The following CENPK variants were observed in gnomAD, a reference collection of about 807,000 sequenced individuals.
CENPK encodes the protein SoxLZ/Sox6-binding protein Solt.
Under a neutral mutation model 40.9 loss-of-function variants are expected in CENPK, and 46 were observed. The observed-to-expected ratio is 1.13, with a 90% CI of 0.89 to 1.44. The LOEUF (loss-of-function observed/expected upper bound fraction) is 1.44, where lower values mean the gene tolerates loss of function less well. Ranked by LOEUF, CENPK falls within the 40% of genes most tolerant of loss-of-function variation. CENPK has a pLI of 0.00. For synonymous variants in CENPK, 107 were observed against 104.4 expected (o/e 1.02, Z -0.15); for missense variants, 288 against 303.5 (o/e 0.95, Z 0.38).
intron 2 of CENPK, among the ~76,000 whole-genome samples, chr5:65,559,336 T>A (rs1207966569): frequency 2.0e-5 from 3 of 152,046 alleles, no homozygotes; most frequent in Admixed American, 6.6e-5. Context: ...AATTGTAAAA[T>A]TTACATGGAA....
At chr5:65,528,888 A>G (rs1580928289) in intron 8 of CENPK, 31 bp downstream of exon 8, 7 of 1,301,026 alleles carry the variant, frequency 5.4e-6, no homozygotes, top group Non-Finnish European at 6.5e-6. Flanking sequence ...TACTTTTCCT[A>G]TTTTAAAAAC....
At position 65,518,583 on chromosome 5, in the gene CENPK, A is replaced by C. The variant is rs756782808; in HGVS notation, c.702T>G (p.Ile234Met). The C allele has an allele frequency of 2.5e-6, 4 of 1,604,424 alleles. No individual in the cohort carries two copies. The highest frequency in any genetic ancestry group is 1.1e-5 in the South Asian group (1 of 90,664). The change falls in exon 11 of 11, where the codon ATT becomes ATG. Residue 234 changes from isoleucine (I) to methionine (M), a missense_variant. Transcript: ENST00000396679. ...CATAAGGTGGCCAAAAGGAATCACTAATTTTGACATATGGATCATGTGGAA... is the reference window on the plus strand; with the variant it reads ...CATAAGGTGGCCAAAAGGAATCACTCATTTTGACATATGGATCATGTGGAA... Reference protein sequence around the residue: ...FDVPHDPYVKISDSFWPPYVE... With the variant: ...FDVPHDPYVKMSDSFWPPYVE...
chr5:65,542,725 C>A lies in CENPK; in HGVS notation c.288+77G>T, dbSNP rs1581020725. The A allele has an allele frequency of 4.0e-5, 42 of 1,052,580 alleles. No individual in the cohort carries two copies. The East Asian group carries it at 1.0e-3, about 26-fold the overall frequency. 65.2% of individuals were successfully genotyped at this position (1,052,580 alleles called of 1,614,324 possible). On this transcript the variant is annotated intron_variant, in intron 6 of 10. Coordinates refer to ENST00000396679, the MANE Select transcript of CENPK (RefSeq NM_022145.5). ...GTTTTAGAGTGGTTTTATCCTATTTCTTATGCCATGAACTTATCTAAAATA... is the reference window on the plus strand; with the variant it reads ...GTTTTAGAGTGGTTTTATCCTATTTATTATGCCATGAACTTATCTAAAATA...
intron 2 of CENPK, among the ~76,000 whole-genome samples, chr5:65,557,788 A>G (rs1751242213): frequency 6.6e-6 from 1 of 152,248 alleles, no homozygotes. Flanking sequence ...TTATCACAAC[A>G]ATTTTCTTGG....
intron 10 of CENPK, among the ~76,000 whole-genome samples, chr5:65,520,819 A>C (rs786534): frequency 0.41 from 61,822 of 151,938 alleles, 12,935 homozygotes; most frequent in East Asian, 0.65. Context: ...GTTCTTCATA[A>C]ATTATTTCAT....
intron 6 of CENPK, 164 bp from the exon 7 acceptor site, chr5:65,529,363 A>G: frequency 1.9e-6 from 1 of 522,774 alleles, no homozygotes; most frequent in Non-Finnish European, 3.4e-6. Flanking sequence ...GTAGGCGCTA[A>G]ATTTGTGGTA....
intron 6 of CENPK, among the ~76,000 whole-genome samples, chr5:65,534,050 C>CAAA (rs60018569): frequency 0.38 from 34,321 of 90,878 alleles, 6,749 homozygotes; most frequent in East Asian, 0.54. Flanking sequence ...ACCGTCTCAA[C>CAAA]AAAAAAAAAA....
intron 10 of CENPK, among the ~76,000 whole-genome samples, chr5:65,520,733 G>T (rs1342990383): frequency 6.6e-6 from 1 of 152,070 alleles, no homozygotes; most frequent in Non-Finnish European, 1.5e-5. Flanking sequence ...TAAATGAAAC[G>T]CGTTTTCTGA....
chr5:65,547,149 T>C (rs1356452858), intron 5 of CENPK, among the ~76,000 whole-genome samples: 2 of 151,998 alleles, frequency 1.3e-5, no homozygotes, highest in African/African-American at 4.8e-5. Context: ...TCCCAAAACT[T>C]TGGGAGGCTG....
At chr5:65,510,539 C>T in the CENPK span, among the ~76,000 whole-genome samples, 11 of 152,148 alleles carry the variant, frequency 7.2e-5, no homozygotes, top group African/African-American at 2.2e-4. Context: ...CTTTGGGAGG[C>T]CGAGAAGGGC....
intron 5 of CENPK, chr5:65,551,228 C>CGA: frequency 7.5e-6 from 2 of 268,308 alleles, no homozygotes; most frequent in Non-Finnish European, 1.3e-5. Context: ...CCAGCCTGGA[C>CGA]AACACGATGA....
At chr5:65,532,930 A>C (rs939837672) in intron 6 of CENPK, among the ~76,000 whole-genome samples, 20 of 147,280 alleles carry the variant, frequency 1.4e-4, no homozygotes, top group African/African-American at 4.4e-4. Flanking sequence ...AAAAAAAAAA[A>C]AAAAAATCAA....
At chr5:65,560,095 G>T (rs997132773) in intron 2 of CENPK, among the ~76,000 whole-genome samples, 25 of 151,718 alleles carry the variant, frequency 1.6e-4, no homozygotes, top group African/African-American at 6.1e-4. Flanking sequence ...TAAAATCTTA[G>T]ATTAGGAAAC....
intron 6 of CENPK, among the ~76,000 whole-genome samples, chr5:65,540,042 T>C (rs181242207): frequency 1.3e-5 from 2 of 152,218 alleles, no homozygotes; most frequent in Non-Finnish European, 2.9e-5. Context: ...CTGGCTTCAG[T>C]TGAGATGGCT....
At chr5:65,534,154 A>T (rs947499568) in intron 6 of CENPK, among the ~76,000 whole-genome samples, 6 of 152,122 alleles carry the variant, frequency 3.9e-5, no homozygotes, top group Admixed American at 6.5e-5. Context: ...TTGACAAAAG[A>T]TGTGCAAGAC....
At chr5:65,551,928 A>T (rs1350789209) in intron 4 of CENPK, among the ~76,000 whole-genome samples, 2 of 150,946 alleles carry the variant, frequency 1.3e-5, no homozygotes, top group African/African-American at 4.9e-5. Context: ...TGTGACTATT[A>T]TACCTAACAC....
intron 6 of CENPK, among the ~76,000 whole-genome samples, chr5:65,535,544 G>C (rs1362306127): frequency 6.6e-6 from 1 of 152,156 alleles, no homozygotes; most frequent in African/African-American, 2.4e-5. Context: ...CACAATACCT[G>C]ACTGACTCCC....
rs1192514493 is a variant in CENPK, at chr5:65,554,997, A to C, written c.-39-51T>G. On this transcript the variant is annotated intron_variant, in intron 2 of 10. Transcript: ENST00000396679. The stretch of plus-strand genomic sequence containing the variant: ...CAGCAGTATTGGTTGAACACTTATT[A>C]CCTGCCAGATACTCATCTAGGGGGT... 5.1e-6 allele frequency: 4 copies of C among 791,990 alleles called. No individual in the cohort carries two copies. The African/African-American group carries it at 6.9e-5, about 14-fold the overall frequency. The allele number at this position is 791,990 out of a possible 1,614,324, so 49.1% of individuals were successfully genotyped here. A position where few individuals can be genotyped will look rare whatever the true frequency, so the allele number is the denominator to read the frequency against.
At chr5:65,511,238 T>G in the CENPK span, among the ~76,000 whole-genome samples, 1 of 152,174 alleles carries the variant, frequency 6.6e-6, no homozygotes, top group Non-Finnish European at 1.5e-5. Context: ...AGAAGCCATC[T>G]CCATAACATA....
Sources: gnomAD v4.1 joint callset for allele counts (sites outside exome capture counted in the v4.1 genomes callset) on GRCh38, gnomAD v4.1.1 for gene constraint, MANE v1.5 for transcripts, NCBI Gene and HGNC (gene_info 2026-07-23, HGNC 2026-07-21) for gene names.